CNTNAP5: variants seen among roughly 807,000 people sequenced by gnomAD.
CNTNAP5 encodes contactin associated protein family member 5.
CNTNAP5 carries 72 observed loss-of-function variants against 150.2 expected under a neutral mutation model. The ratio of observed to expected loss-of-function variants is 0.48; its 90% CI spans 0.40 to 0.58. The LOEUF is 0.58. Ranked by LOEUF, CNTNAP5 falls within the 20% of genes least tolerant of loss-of-function variation. The pLI is 0.00. For synonymous variants in CNTNAP5, 672 were observed against 619.8 expected (o/e 1.08, Z -1.25); for missense variants, 1,636 against 1,626.2 (o/e 1.01, Z -0.10).
intron 11 of CNTNAP5, among the ~76,000 whole-genome samples, chr2:124,609,466 A>T (rs1302284606): frequency 6.6e-6 from 1 of 152,014 alleles, no homozygotes; most frequent in African/African-American, 2.4e-5. Context: ...GGTGGCTCAC[A>T]CCTATACTCC....
intron 7 of CNTNAP5, among the ~76,000 whole-genome samples, chr2:124,491,929 CT>C (rs1010499909): frequency 6.6e-6 from 1 of 151,914 alleles, no homozygotes; most frequent in Admixed American, 6.6e-5. Flanking sequence ...GGTCTTTGCT[CT>C]TTTTATTATA....
chr2:124,862,019 G>A lies in CNTNAP5; in HGVS notation c.3218-3287G>A, dbSNP rs1677535531. On this transcript the variant is annotated intron_variant, in intron 19 of 23. Transcript: ENST00000682447. ...TGTAGAGATGGGGTTTCACCATATT[G>A]GCCAGGCTGGTCTCGAACTCCTGAC... Among the ~76,000 whole-genome samples, 2 of 152,072 alleles carry A rather than the reference G, an allele frequency of 1.3e-5. 1 individual carries two copies. Among genetic ancestry groups the A allele is most frequent in the African/African-American group, 4.8e-5 (2 of 41,434 alleles).
rs888748657 is a variant in CNTNAP5, at chr2:124,215,325, T to A, written c.83-6380T>A. Among the ~76,000 whole-genome samples, 15 of 152,292 alleles carry A rather than the reference T, an allele frequency of 9.8e-5. No individual in the cohort carries two copies. In the East Asian group the frequency reaches 2.9e-3, roughly 29 times the overall value. On this transcript the variant is annotated intron_variant, in intron 1 of 23. Transcript: ENST00000682447. ...TGTAACTCTATTGGTATTTTAATAATAATGAATAAAAATATATGTTGGCAA... is the reference window on the plus strand; with the variant it reads ...TGTAACTCTATTGGTATTTTAATAAAAATGAATAAAAATATATGTTGGCAA...
At chr2:124,545,781 G>A (rs988414876) in intron 10 of CNTNAP5, among the ~76,000 whole-genome samples, 1 of 152,060 alleles carries the variant, frequency 6.6e-6, no homozygotes, top group Non-Finnish European at 1.5e-5. Flanking sequence ...CTAAGGATGG[G>A]TTACAAATAA....
chr2:124,724,272 C>A (rs1680109506), intron 13 of CNTNAP5, among the ~76,000 whole-genome samples: 1 of 151,692 alleles, frequency 6.6e-6, no homozygotes, highest in African/African-American at 2.4e-5. Context: ...TTTTGTTTAA[C>A]CATGTGGTTG....
intron 1 of CNTNAP5, among the ~76,000 whole-genome samples, chr2:124,115,792 TTGTGTGTG>T (rs5834038): frequency 1.1e-4 from 15 of 138,206 alleles, no homozygotes; most frequent in African/African-American, 3.3e-4. Flanking sequence ...GCCTGGCTAA[TTGTGTGTG>T]TGTGTGTGTG....
intron 1 of CNTNAP5, among the ~76,000 whole-genome samples, chr2:124,044,685 T>G (rs1426014099): frequency 6.6e-6 from 1 of 152,152 alleles, no homozygotes; most frequent in Non-Finnish European, 1.5e-5. Context: ...AGTTCCCCAG[T>G]GTGCTTTTTC....
chr2:124,500,627 A>C (rs1694255670), intron 7 of CNTNAP5, among the ~76,000 whole-genome samples: 1 of 152,130 alleles, frequency 6.6e-6, no homozygotes, highest in African/African-American at 2.4e-5. Context: ...CCAACATCAC[A>C]CCTAGTACAA....
At chr2:124,541,745 CT>C (rs1695390315) in intron 10 of CNTNAP5, among the ~76,000 whole-genome samples, 1 of 152,166 alleles carries the variant, frequency 6.6e-6, no homozygotes, top group South Asian at 2.1e-4. Context: ...GGAAAGCCAA[CT>C]ATCGATAAAT....
At chr2:124,235,207 A>T (rs1686719097) in intron 2 of CNTNAP5, among the ~76,000 whole-genome samples, 1 of 152,098 alleles carries the variant, frequency 6.6e-6, no homozygotes, top group Non-Finnish European at 1.5e-5. Context: ...TCAATCTGAC[A>T]CTCGCTGAGT....
At chr2:124,282,291 A>G (rs544785748) in intron 3 of CNTNAP5, among the ~76,000 whole-genome samples, 1 of 152,328 alleles carries the variant, frequency 6.6e-6, no homozygotes, top group East Asian at 1.9e-4. Flanking sequence ...AATGGGAATC[A>G]TAGTGAGTTT....
intron 16 of CNTNAP5, among the ~76,000 whole-genome samples, chr2:124,764,809 C>A (rs539579954): frequency 5.3e-5 from 8 of 152,058 alleles, no homozygotes; most frequent in Admixed American, 2.0e-4. Context: ...AAACAATATT[C>A]CAATACTAAT....
chr2:124,097,964 C>T (rs1682976295), intron 1 of CNTNAP5, among the ~76,000 whole-genome samples: 1 of 152,102 alleles, frequency 6.6e-6, no homozygotes, highest in African/African-American at 2.4e-5. Flanking sequence ...GGAGGCGGAG[C>T]TTGCCGTGGG....
intron 3 of CNTNAP5, among the ~76,000 whole-genome samples, chr2:124,319,355 G>A (rs1393228119): frequency 6.6e-6 from 1 of 152,156 alleles, no homozygotes; most frequent in Non-Finnish European, 1.5e-5. Flanking sequence ...TTAATGAAGG[G>A]TCTCTCATTC....
chr2:124,293,991 G>T (rs1390339230), intron 3 of CNTNAP5, among the ~76,000 whole-genome samples: 1 of 152,150 alleles, frequency 6.6e-6, no homozygotes, highest in Non-Finnish European at 1.5e-5. Flanking sequence ...GAAAAGCATG[G>T]TGTATTTGAG....
chr2:124,040,649 G>GTGTGTA (rs1467767927), intron 1 of CNTNAP5, among the ~76,000 whole-genome samples: 10 of 151,844 alleles, frequency 6.6e-5, no homozygotes, highest in African/African-American at 2.4e-4. Flanking sequence ...GTGTGTGTGT[G>GTGTGTA]TGTGTGTAAC....
At chr2:124,698,375 TACACACAC>T (rs59897587) in intron 13 of CNTNAP5, among the ~76,000 whole-genome samples, 21 of 147,418 alleles carry the variant, frequency 1.4e-4, no homozygotes, top group East Asian at 2.0e-4. Flanking sequence ...GACGAGAGGA[TACACACAC>T]ACACACACAC....
chr2:124,357,505 A>T lies in CNTNAP5; in HGVS notation c.382-59938A>T, dbSNP rs533258422. ...TGTATAAGGTGTACGGAAGGGATCC[A>T]GTTTCAGCTTTCTACATATGGCTAG... On this transcript the variant is annotated intron_variant, in intron 3 of 23. Coordinates refer to ENST00000682447, the MANE Select transcript of CNTNAP5 (RefSeq NM_001367498.1). Among the ~76,000 whole-genome samples, 104 of 152,182 alleles carry T rather than the reference A, an allele frequency of 6.8e-4. 2 individuals are homozygous for T. In the East Asian group the frequency reaches 0.018, roughly 26 times the overall value.
intron 1 of CNTNAP5, among the ~76,000 whole-genome samples, chr2:124,186,807 C>T (rs1195865815): frequency 6.6e-6 from 1 of 152,190 alleles, no homozygotes; most frequent in Non-Finnish European, 1.5e-5. Context: ...AAATTTCAAT[C>T]ATTTCACTTC....
Sources: allele counts gnomAD v4.1 joint callset (sites outside exome capture counted in the v4.1 genomes callset), GRCh38; gene constraint gnomAD v4.1.1; transcripts MANE v1.5; gene names NCBI Gene and HGNC (gene_info 2026-07-23, HGNC 2026-07-21).